FSTL5: variants seen among roughly 807,000 people sequenced by gnomAD.
FSTL5 encodes the protein follistatin-related protein 5.
FSTL5 carries 62 observed loss-of-function variants against 89.1 expected under a neutral mutation model. The observed-to-expected ratio is 0.70, with a 90% confidence interval of 0.57 to 0.86. The LOEUF (loss-of-function observed/expected upper bound fraction) is 0.86. Ranked by LOEUF, FSTL5 falls within the 40% of genes least tolerant of loss-of-function variation. The pLI is 0.00. For missense variants in FSTL5, 1,057 were observed against 1,001.6 expected, an observed-to-expected ratio of 1.06 and a Z score of -0.75; for synonymous variants, 383 against 346.2, an observed-to-expected ratio of 1.11 and a Z score of -1.18.
intron 4 of FSTL5, among the ~76,000 whole-genome samples, chr4:161,777,041 T>A (rs1368733893): frequency 6.6e-6 from 1 of 151,954 alleles, no homozygotes; most frequent in Non-Finnish European, 1.5e-5. Flanking sequence ...CCACTATCTT[T>A]CCCAACCTCT....
Position 162,133,934 on chromosome 4 carries a change from G to C in FSTL5, c.-16-22522C>G, listed in dbSNP as rs571494778. On this transcript the variant is annotated intron_variant, in intron 1 of 15. Coordinates refer to ENST00000306100, the MANE Select transcript of FSTL5 (RefSeq NM_020116.5). ...ATTCTCTGACGACCTTGCCTCTCTC[G>C]ACAGCTAGAGTCATGATGCTCCCAT... is the stretch of plus-strand genomic sequence containing the variant. 2.1e-3 allele frequency among the ~76,000 whole-genome samples: 323 copies of C among 152,140 alleles called. 1 individual carries two copies. Among genetic ancestry groups the C allele is most frequent in the African/African-American group, 7.1e-3 (296 of 41,516 alleles).
At chr4:161,532,299 G>A (rs1027663785) in intron 10 of FSTL5, among the ~76,000 whole-genome samples, 5 of 151,854 alleles carry the variant, frequency 3.3e-5, no homozygotes, top group South Asian at 2.1e-4. Flanking sequence ...ACGTAAGATC[G>A]AAACAGAAAT....
At chr4:161,495,770 C>A (rs1486411234) in intron 12 of FSTL5, among the ~76,000 whole-genome samples, 2 of 151,982 alleles carry the variant, frequency 1.3e-5, no homozygotes, top group African/African-American at 4.8e-5. Flanking sequence ...TAATGTCGAC[C>A]ATGAATTTGA....
intron 6 of FSTL5, chr4:161,664,849 T>C (rs946469695): frequency 5.5e-6 from 1 of 181,204 alleles, no homozygotes. Context: ...TCAGAATCAT[T>C]GTGGGAGGTG....
intron 6 of FSTL5, among the ~76,000 whole-genome samples, chr4:161,731,728 G>T (rs1579054218): frequency 6.6e-6 from 1 of 151,340 alleles, no homozygotes; most frequent in South Asian, 2.1e-4. Flanking sequence ...CATTTTTAAA[G>T]AATTTTTATG....
At chr4:161,814,965 T>C (rs564286088) in intron 4 of FSTL5, among the ~76,000 whole-genome samples, 59 of 152,190 alleles carry the variant, frequency 3.9e-4, no homozygotes, top group African/African-American at 1.3e-3. Flanking sequence ...TATAGGATCA[T>C]ACAATTCTGA....
At chr4:162,121,082 A>G (rs2111432613) in intron 1 of FSTL5, among the ~76,000 whole-genome samples, 1 of 151,980 alleles carries the variant, frequency 6.6e-6, no homozygotes, top group South Asian at 2.1e-4. Context: ...ATAAATATAT[A>G]TAATTTTGAA....
intron 15 of FSTL5, among the ~76,000 whole-genome samples, chr4:161,403,487 G>A (rs191136585): frequency 3.7e-4 from 56 of 152,210 alleles, no homozygotes; most frequent in Non-Finnish European, 1.2e-4. Flanking sequence ...CCTTCCTACA[G>A]TGTTCACCAG....
Position 161,386,205 on chromosome 4 carries a change from T to A in FSTL5, c.2086A>T (p.Thr696Ser). Reference protein sequence around the residue: ...VIGFNSDVTGTPYVSPDGHYL... With the variant: ...VIGFNSDVTGSPYVSPDGHYL... ...TGGCCATCTGGAGAGACATATGGAG[T>A]GCCCGTCACATCACTATTGAACCCA... The change falls in exon 16 of 16, where the codon ACT (threonine) becomes TCT (serine). Residue 696 changes from threonine to serine, a missense_variant. Physicochemically the swap from Thr to Ser is moderately conservative, Grantham distance 58. Coordinates refer to ENST00000306100, the MANE Select transcript of FSTL5 (RefSeq NM_020116.5). 1.2e-6 allele frequency: 2 copies of A among 1,613,852 alleles called. No individual in the cohort carries two copies. Among genetic ancestry groups the A allele is most frequent in the Non-Finnish European group, 1.7e-6 (2 of 1,179,964 alleles).
At chr4:161,481,374 A>C (rs975066779) in intron 12 of FSTL5, among the ~76,000 whole-genome samples, 1 of 152,090 alleles carries the variant, frequency 6.6e-6, no homozygotes, top group Non-Finnish European at 1.5e-5. Flanking sequence ...CTTTAAAATA[A>C]ATTTTATGTT....
intron 6 of FSTL5, among the ~76,000 whole-genome samples, chr4:161,678,982 C>A (rs1737420607): frequency 6.6e-6 from 1 of 151,582 alleles, no homozygotes; most frequent in Admixed American, 6.6e-5. Context: ...ATGTATTAAA[C>A]ACTATGTATG....
At chr4:161,515,465 C>T (rs1287818457) in intron 10 of FSTL5, among the ~76,000 whole-genome samples, 9 of 151,924 alleles carry the variant, frequency 5.9e-5, no homozygotes, top group Admixed American at 5.9e-4. Context: ...CCTTGGCCTC[C>T]CAGAGTGCTG....
At chr4:161,761,180 C>T (rs1229460881) in intron 5 of FSTL5, among the ~76,000 whole-genome samples, 2 of 152,066 alleles carry the variant, frequency 1.3e-5, no homozygotes, top group African/African-American at 2.4e-5. Context: ...GATGGCAAGC[C>T]CTAAACTTTT....
chr4:161,764,757 G>A (rs941006565), intron 5 of FSTL5, among the ~76,000 whole-genome samples: 2 of 152,004 alleles, frequency 1.3e-5, no homozygotes, highest in African/African-American at 4.8e-5. Context: ...ATCCTACATG[G>A]CTCACAAGGA....
At chr4:161,564,276 A>T (rs1019345611) in intron 8 of FSTL5, among the ~76,000 whole-genome samples, 6 of 151,038 alleles carry the variant, frequency 4.0e-5, no homozygotes, top group Non-Finnish European at 8.9e-5. Flanking sequence ...CATTTTTAAC[A>T]CAGTTCCAGT....
At chr4:161,602,023 A>C (rs1734258497) in intron 7 of FSTL5, among the ~76,000 whole-genome samples, 1 of 152,104 alleles carries the variant, frequency 6.6e-6, no homozygotes, top group African/African-American at 2.4e-5. Flanking sequence ...AAAAATTAGA[A>C]AGTAGATTTA....
At chr4:161,850,196 G>A (rs1731503957) in intron 4 of FSTL5, among the ~76,000 whole-genome samples, 2 of 152,124 alleles carry the variant, frequency 1.3e-5, no homozygotes, top group South Asian at 4.1e-4. Flanking sequence ...CTTAGGGAAA[G>A]GATGCTATGG....
intron 6 of FSTL5, among the ~76,000 whole-genome samples, chr4:161,752,160 C>T (rs979737567): frequency 1.3e-5 from 2 of 151,978 alleles, no homozygotes; most frequent in Middle Eastern, 3.4e-3. Flanking sequence ...AATCAGTACA[C>T]TTGAACAAAG....
intron 4 of FSTL5, among the ~76,000 whole-genome samples, chr4:161,785,814 T>G (rs1432723806): frequency 6.6e-6 from 1 of 152,152 alleles, no homozygotes; most frequent in East Asian, 1.9e-4. Context: ...AGTTTGGTGT[T>G]AAAAGTCCAT....
Sources: gnomAD v4.1 joint callset for allele counts (sites outside exome capture counted in the v4.1 genomes callset) on GRCh38, gnomAD v4.1.1 for gene constraint, MANE v1.5 for transcripts, NCBI Gene and HGNC (gene_info 2026-07-23, HGNC 2026-07-21) for gene names.